Variants in NREP observed in about 807,000 individuals in gnomAD.
The protein encoded by NREP is neuronal regeneration related protein, also known as neuronal regeneration-related protein.
NREP carries 5 observed loss-of-function variants against 8.6 expected under a neutral mutation model. That is an observed-to-expected ratio of 0.58 (90% confidence interval 0.30 to 1.22). The LOEUF is 1.22. Among genes scored for constraint, NREP ranks in the 50% most tolerant of loss-of-function variants. The probability of loss-of-function intolerance (pLI) is 0.07; values close to 1 mark genes in which losing one functional copy is unlikely to be tolerated. For synonymous variants in NREP, 27 were observed against 28.0 expected (o/e 0.96, Z 0.11); for missense variants, 86 against 82.5 (o/e 1.04, Z -0.17).
At chr5:111,962,948 G>A (rs1283079076) in intron 2 of NREP, among the ~76,000 whole-genome samples, 1 of 152,226 alleles carries the variant, frequency 6.6e-6, no homozygotes, top group Admixed American at 6.5e-5. Flanking sequence ...TCCTTCAAGT[G>A]TCCATGCAAC....
At chr5:111,872,023 T>A (rs1223554553) in intron 2 of NREP, among the ~76,000 whole-genome samples, 1 of 150,038 alleles carries the variant, frequency 6.7e-6, no homozygotes, top group African/African-American at 2.4e-5. Context: ...TTCCATTTCA[T>A]ATATATATAT....
At chr5:111,863,261 GAAGAA>G (rs1430081841) in intron 2 of NREP, among the ~76,000 whole-genome samples, 1 of 152,084 alleles carries the variant, frequency 6.6e-6, no homozygotes, top group Non-Finnish European at 1.5e-5. Flanking sequence ...GTGAGTAAGA[GAAGAA>G]ATGATTTCTT....
At chr5:111,876,284 G>A (rs1017457810) in intron 2 of NREP, among the ~76,000 whole-genome samples, 6 of 152,128 alleles carry the variant, frequency 3.9e-5, no homozygotes, top group African/African-American at 1.4e-4. Flanking sequence ...GGCTGCTTTT[G>A]TTACAAGGCA....
chr5:111,941,412 G>A (rs377676535), intron 2 of NREP, among the ~76,000 whole-genome samples: 2 of 152,028 alleles, frequency 1.3e-5, no homozygotes, highest in South Asian at 2.1e-4. Context: ...GGTGTCAGCA[G>A]AATTGATTTC....
In NREP at chr5:111,813,251, C is replaced by G. The variant is rs1350920888; in HGVS notation, c.136-77744G>C. The stretch of plus-strand genomic sequence containing the variant: ...TGATTTCATCTATAGACTTTTCTAA[C>G]AGATGGCCTCAAGGCATATGGCATA... On this transcript the variant is annotated intron_variant, in intron 2 of 3. Transcript: ENST00000395634. 2.0e-5 allele frequency among the ~76,000 whole-genome samples: 3 copies of G among 152,276 alleles called. No individual in the cohort carries two copies. In the East Asian group the frequency reaches 5.8e-4, roughly 29 times the overall value.
At chr5:111,817,039 T>C (rs1037787957) in intron 2 of NREP, among the ~76,000 whole-genome samples, 3 of 152,152 alleles carry the variant, frequency 2.0e-5, no homozygotes, top group African/African-American at 7.2e-5. Context: ...TTGATGTGCT[T>C]TTTAATAATA....
At chr5:111,872,871 TA>T (rs761112499) in intron 2 of NREP, among the ~76,000 whole-genome samples, 3 of 152,144 alleles carry the variant, frequency 2.0e-5, no homozygotes, top group Non-Finnish European at 4.4e-5. Context: ...TTACATTAGC[TA>T]CCAAAAGAAC....
intron 2 of NREP, chr5:111,755,351 G>C (rs554791194): frequency 5.3e-6 from 1 of 187,038 alleles, no homozygotes; most frequent in East Asian, 1.2e-4. Flanking sequence ...AGCATATACA[G>C]TAGCTGTTTG....
chr5:111,857,078 G>T (rs1753442667), intron 2 of NREP, among the ~76,000 whole-genome samples: 1 of 152,110 alleles, frequency 6.6e-6, no homozygotes, highest in Non-Finnish European at 1.5e-5. Context: ...ACAAAACACA[G>T]CTGTAATAGG....
chr5:111,868,070 G>C (rs1343675695), intron 2 of NREP, among the ~76,000 whole-genome samples: 1 of 151,628 alleles, frequency 6.6e-6, no homozygotes, highest in Non-Finnish European at 1.5e-5. Flanking sequence ...TTTTAAAAAT[G>C]AGAAAAAAAA....
chr5:111,878,799 T>C (rs969262631), intron 2 of NREP, among the ~76,000 whole-genome samples: 3 of 152,170 alleles, frequency 2.0e-5, no homozygotes, highest in Non-Finnish European at 4.4e-5. Context: ...AAGCAAGGGC[T>C]CTGACCATCT....
At chr5:111,855,975 C>G (rs1753418081) in intron 2 of NREP, among the ~76,000 whole-genome samples, 1 of 152,144 alleles carries the variant, frequency 6.6e-6, no homozygotes, top group Non-Finnish European at 1.5e-5. Context: ...TAGAGAACAC[C>G]TGAGCATGGA....
intron 2 of NREP, chr5:111,846,420 C>CTTTTTTTTTTTTTTTTG (rs1753170378): frequency 2.3e-5 from 1 of 44,414 alleles, no homozygotes; most frequent in Non-Finnish European, 4.2e-5. Flanking sequence ...TTTTTGTTTG[C>CTTTTTTTTTTTTTTTTG]TTTTTTTTTT....
chr5:111,767,917 G>C (rs115846685), intron 2 of NREP, among the ~76,000 whole-genome samples: 21 of 151,966 alleles, frequency 1.4e-4, no homozygotes, highest in Non-Finnish European at 2.1e-4. Flanking sequence ...CTCCTGCCTC[G>C]GCCTCCTAAA....
intron 2 of NREP, among the ~76,000 whole-genome samples, chr5:111,744,353 T>C (rs534030812): frequency 6.6e-6 from 1 of 152,116 alleles, no homozygotes; most frequent in East Asian, 1.9e-4. Flanking sequence ...GTGGTTTCTA[T>C]TGCAGATGGA....
chr5:111,943,544 C>T (rs1345966330), intron 2 of NREP, among the ~76,000 whole-genome samples: 15 of 152,044 alleles, frequency 9.9e-5, no homozygotes, highest in Admixed American at 6.6e-4. Context: ...ATCTCAACTT[C>T]GATGTCCCAC....
intron 2 of NREP, among the ~76,000 whole-genome samples, chr5:111,942,858 T>A (rs1023051097): frequency 6.6e-6 from 1 of 152,116 alleles, no homozygotes; most frequent in Non-Finnish European, 1.5e-5. Flanking sequence ...TTACTGGAAC[T>A]GTCCATTTCT....
intron 2 of NREP, among the ~76,000 whole-genome samples, chr5:111,876,542 A>C (rs1730873215): frequency 6.6e-6 from 1 of 152,166 alleles, no homozygotes; most frequent in Non-Finnish European, 1.5e-5. Flanking sequence ...CAGGAATAGG[A>C]TTCTGAATTC....
intron 2 of NREP, among the ~76,000 whole-genome samples, chr5:111,885,477 T>C (rs1458523588): frequency 2.0e-5 from 3 of 152,056 alleles, no homozygotes; most frequent in Admixed American, 6.5e-5. Context: ...AAAAACTACT[T>C]TAAAGTTCAT....
Sources: allele counts gnomAD v4.1 joint callset (sites outside exome capture counted in the v4.1 genomes callset), GRCh38; gene constraint gnomAD v4.1.1; transcripts MANE v1.5; gene names NCBI Gene and HGNC (gene_info 2026-07-23, HGNC 2026-07-21).